WDPCP: variants seen among roughly 807,000 people sequenced by gnomAD.
WDPCP encodes the protein WD repeat containing planar cell polarity effector.
A neutral mutation model predicts 93.1 loss-of-function variants in WDPCP; 71 were observed. That is an observed-to-expected ratio of 0.76 (90% CI 0.63 to 0.93). WDPCP has a LOEUF of 0.93. Among genes scored for constraint, WDPCP ranks in the 40% least tolerant of loss-of-function variants. The pLI is 0.00. For synonymous variants in WDPCP, 315 were observed against 315.0 expected (o/e 1.00, Z 0.00); for missense variants, 844 against 887.4 (o/e 0.95, Z 0.62).
intron 9 of WDPCP, among the ~76,000 whole-genome samples, chr2:63,410,396 A>T (rs1345547995): frequency 2.0e-5 from 3 of 152,244 alleles, no homozygotes; most frequent in African/African-American, 7.2e-5. Context: ...AATCCTGGAA[A>T]CACATCAAAA....
chr2:63,545,843 G>T (rs547431351), intron 1 of WDPCP, among the ~76,000 whole-genome samples: 1 of 149,800 alleles, frequency 6.7e-6, no homozygotes, highest in Non-Finnish European at 1.5e-5. Flanking sequence ...TCTTCTGAAC[G>T]AGGCGCTCAG....
chr2:63,129,467 A>G (rs571493659), intron 17 of WDPCP, among the ~76,000 whole-genome samples: 1 of 152,334 alleles, frequency 6.6e-6, no homozygotes, highest in East Asian at 1.9e-4. Flanking sequence ...GATAATGGCC[A>G]TCTTATTGCT....
chr2:63,232,755 A>G (rs989593170), intron 14 of WDPCP: 22 of 153,300 alleles, frequency 1.4e-4, no homozygotes, highest in Non-Finnish European at 8.8e-5. Context: ...AGAACATCCA[A>G]TATGTTTGGA....
chr2:63,204,171 G>T (rs377405530), intron 14 of WDPCP, among the ~76,000 whole-genome samples: 44 of 151,782 alleles, frequency 2.9e-4, no homozygotes, highest in Non-Finnish European at 1.0e-4. Context: ...CCCACCAACA[G>T]TGTATGAGTT....
chr2:63,422,469 A>G (rs2105361388), intron 9 of WDPCP, among the ~76,000 whole-genome samples: 1 of 152,372 alleles, frequency 6.6e-6, no homozygotes, highest in African/African-American at 2.4e-5. Flanking sequence ...AAAAACTGGT[A>G]AATAGAAAAT....
chr2:63,307,401 T>A (rs1196838090), intron 13 of WDPCP, among the ~76,000 whole-genome samples: 1 of 152,188 alleles, frequency 6.6e-6, no homozygotes, highest in Non-Finnish European at 1.5e-5. Context: ...TTAAATTTTA[T>A]ATGGAATCAA....
chr2:63,756,331 C>T (rs562598126), intron 2 of WDPCP, among the ~76,000 whole-genome samples: 27 of 152,272 alleles, frequency 1.8e-4, no homozygotes, highest in African/African-American at 6.5e-4. Flanking sequence ...CTGCATCCTG[C>T]ATTGTTATTA....
At chr2:63,769,704 T>C (rs897408216) in intron 2 of WDPCP, among the ~76,000 whole-genome samples, 5 of 151,944 alleles carry the variant, frequency 3.3e-5, no homozygotes, top group African/African-American at 1.2e-4. Flanking sequence ...CATGAAATAG[T>C]TCTTTAAAAT....
At chr2:63,124,769 A>C (rs1042738621) in intron 17 of WDPCP, among the ~76,000 whole-genome samples, 3 of 152,208 alleles carry the variant, frequency 2.0e-5, no homozygotes, top group Non-Finnish European at 2.9e-5. Context: ...GTTTTATTTT[A>C]TAGATGAACA....
At chr2:63,330,977 C>T (rs1355874577) in intron 12 of WDPCP, among the ~76,000 whole-genome samples, 1 of 150,476 alleles carries the variant, frequency 6.6e-6, no homozygotes, top group Non-Finnish European at 1.5e-5. Context: ...TTCAAGGATC[C>T]TCCCACCTCA....
intron 2 of WDPCP, among the ~76,000 whole-genome samples, chr2:63,664,869 A>G (rs888668142): frequency 2.0e-5 from 3 of 152,222 alleles, no homozygotes; most frequent in Non-Finnish European, 4.4e-5. Context: ...AACTGAATCA[A>G]CAGAGTGATC....
intron 12 of WDPCP, among the ~76,000 whole-genome samples, chr2:63,370,912 CCT>C (rs1575252924): frequency 9.2e-6 from 1 of 108,814 alleles, no homozygotes; most frequent in East Asian, 2.4e-4. Context: ...TTTTAAACTT[CCT>C]TCCTTCTTTC....
At chr2:63,334,197 T>G (rs11686044) in intron 12 of WDPCP, among the ~76,000 whole-genome samples, 121,859 of 152,118 alleles carry the variant, frequency 0.8, 49,684 homozygotes, top group East Asian at 0.96. Flanking sequence ...CTTTCAGGAA[T>G]GTATTATAGC....
chr2:63,438,147 A>G (rs1697262728), intron 7 of WDPCP: 1 of 515,108 alleles, frequency 1.9e-6, no homozygotes, highest in South Asian at 9.5e-5. Flanking sequence ...AAAGCACACA[A>G]GTAGGTAAAT....
chr2:63,498,543 T>G (rs1201545405), intron 1 of WDPCP, among the ~76,000 whole-genome samples: 3 of 152,220 alleles, frequency 2.0e-5, no homozygotes, highest in African/African-American at 7.2e-5. Context: ...GACTAAATTT[T>G]GAGAAAGTAA....
In WDPCP at chr2:63,136,276, T is replaced by C. The variant is rs1263613058; in HGVS notation, c.2191-14220A>G. ...AGAGCTAGGTAATGGTTAAAATAAG[T>C]AGTGATTTTAAAAATAGTTCATTGC... is the stretch of plus-strand genomic sequence containing the variant. On this transcript the variant is annotated intron_variant, in intron 17 of 17. Coordinates refer to ENST00000272321, the MANE Select transcript of WDPCP (RefSeq NM_015910.7). 2.6e-5 allele frequency among the ~76,000 whole-genome samples: 4 copies of C among 152,162 alleles called. No individual in the cohort carries two copies. In the East Asian group the frequency reaches 7.7e-4, roughly 29 times the overall value.
intron 3 of WDPCP, among the ~76,000 whole-genome samples, chr2:63,604,191 C>G (rs17618390): frequency 0.21 from 31,947 of 152,078 alleles, 4,264 homozygotes; most frequent in Non-Finnish European, 0.28. Flanking sequence ...TGAGTCCTAT[C>G]CAACTCTAAA....
intron 2 of WDPCP, among the ~76,000 whole-genome samples, chr2:63,700,400 G>C (rs752069865): frequency 6.6e-6 from 1 of 151,414 alleles, no homozygotes; most frequent in African/African-American, 2.4e-5. Context: ...GAAAAGGTCA[G>C]ATACAAGACT....
chr2:63,707,730 GCT>G (rs774853767), intron 2 of WDPCP, among the ~76,000 whole-genome samples: 2 of 152,150 alleles, frequency 1.3e-5, no homozygotes, highest in African/African-American at 4.8e-5. Context: ...CGGTTTTTCT[GCT>G]CTGTTTTTTC....
Sources: gnomAD v4.1 joint callset for allele counts (sites outside exome capture counted in the v4.1 genomes callset) on GRCh38, gnomAD v4.1.1 for gene constraint, MANE v1.5 for transcripts, NCBI Gene and HGNC (gene_info 2026-07-23, HGNC 2026-07-21) for gene names.